CDC73: variants seen among roughly 807,000 people sequenced by gnomAD.
CDC73 encodes cell division cycle 73.
A neutral mutation model predicts 83.7 loss-of-function variants in CDC73; 21 were observed. The observed-to-expected ratio is 0.25, with a 90% CI of 0.18 to 0.36. The LOEUF is 0.36. Ranked by LOEUF, CDC73 falls within the 10% of genes least tolerant of loss-of-function variation. The pLI is 1.00. For synonymous variants in CDC73, 224 were observed against 212.9 expected (o/e 1.05, Z -0.45); for missense variants, 342 against 653.3 (o/e 0.52, Z 5.19).
At chr1:193,191,632 C>T (rs1372745124) in intron 10 of CDC73, among the ~76,000 whole-genome samples, 1 of 152,132 alleles carries the variant, frequency 6.6e-6, no homozygotes, top group Non-Finnish European at 1.5e-5. Context: ...GTGATCTGCC[C>T]ACCTCGTCCT....
At chr1:193,235,532 T>A (rs1372958741) in intron 14 of CDC73, among the ~76,000 whole-genome samples, 3 of 152,218 alleles carry the variant, frequency 2.0e-5, no homozygotes, top group African/African-American at 7.2e-5. Flanking sequence ...TAACTGTTTA[T>A]GGCAGTACTT....
chr1:193,127,189 A>C (rs1354066530), intron 2 of CDC73, among the ~76,000 whole-genome samples: 4 of 151,812 alleles, frequency 2.6e-5, no homozygotes, highest in Non-Finnish European at 5.9e-5. Context: ...TGGGAGGATC[A>C]CTTGGGCCCA....
At chr1:193,180,191 G>A in intron 10 of CDC73, 1 of 969,124 alleles carries the variant, frequency 1.0e-6, no homozygotes, top group Non-Finnish European at 1.4e-6. Context: ...TTCTTTATGT[G>A]ATGAGTTTTA....
intron 3 of CDC73, 56 bp from the exon 4 acceptor site, chr1:193,135,335 T>C: frequency 7.5e-7 from 1 of 1,328,308 alleles, no homozygotes; most frequent in Non-Finnish European, 1.1e-6. Flanking sequence ...CTTGTAATAA[T>C]ATCCAATATA....
At chr1:193,146,474 GAAGCAAGCAAGCAAGC>G (rs201981048) in intron 7 of CDC73, among the ~76,000 whole-genome samples, 535 of 150,926 alleles carry the variant, frequency 3.5e-3, no homozygotes, top group African/African-American at 8.8e-3. Context: ...GCAGAAGGCA[GAAGCAAGCAAGCAAGC>G]AAGCAAGCAA....
At chr1:193,180,520 A>G in intron 10 of CDC73, 1 of 1,614,112 alleles carries the variant, frequency 6.2e-7, no homozygotes, top group Non-Finnish European at 8.5e-7. Context: ...CAACTTGGCA[A>G]GACAGATCCC....
At chr1:193,191,830 G>A (rs1210851873) in intron 10 of CDC73, among the ~76,000 whole-genome samples, 1 of 152,044 alleles carries the variant, frequency 6.6e-6, no homozygotes, top group Non-Finnish European at 1.5e-5. Context: ...ATAAATACTT[G>A]TTCCATGTAA....
chr1:193,134,588 G>A (rs900726523), intron 3 of CDC73, among the ~76,000 whole-genome samples: 1 of 152,036 alleles, frequency 6.6e-6, no homozygotes, highest in African/African-American at 2.4e-5. Context: ...GGAAAATGGC[G>A]TGAACCCAGG....
Position 193,152,457 on chromosome 1 carries a change from G to C in CDC73, c.972+13G>C. 2 of 1,562,264 alleles carry C rather than the reference G, an allele frequency of 1.3e-6. No individual in the cohort carries two copies. Among genetic ancestry groups the C allele is most frequent in the Non-Finnish European group, 1.8e-6 (2 of 1,133,340 alleles). ...GAAATCTGTAACGGTAAGTTAATTT[G>C]GCTGTAGATGTTCTTTTGTTCCAGG... On this transcript the variant is annotated intron_variant, in intron 10 of 16. Transcript: ENST00000367435.
At chr1:193,143,419 T>C (rs1675940756) in intron 7 of CDC73, among the ~76,000 whole-genome samples, 1 of 152,174 alleles carries the variant, frequency 6.6e-6, no homozygotes, top group South Asian at 2.1e-4. Context: ...ACAGGTGATA[T>C]ACCCTACCTA....
intron 13 of CDC73, 89 bp from the exon 14 acceptor site, chr1:193,232,902 CAA>C (rs201897186): frequency 3.6e-4 from 352 of 969,212 alleles, no homozygotes; most frequent in Middle Eastern, 6.6e-4. Flanking sequence ...AACTCTGTCT[CAA>C]AAAAAAAAAA....
rs547531283 is a variant in CDC73 at position 193,180,089 on chromosome 1, T to A, written c.973-23706T>A. 8 of 432,526 alleles carry A rather than the reference T, an allele frequency of 1.8e-5. No individual in the cohort carries two copies. The East Asian group carries it at 3.0e-4, about 16-fold the overall frequency. 26.8% of individuals were successfully genotyped at this position (432,526 alleles called of 1,614,324 possible). On this transcript the variant is annotated intron_variant, in intron 10 of 16. Coordinates refer to ENST00000367435, the MANE Select transcript of CDC73 (RefSeq NM_024529.5). ...CACAGAATCTCCTTATACAGTTTTT[T>A]AAATAGATTGTTTTGGGAAACCTTT...
At chr1:193,140,432 G>C (rs974661276) in intron 6 of CDC73, among the ~76,000 whole-genome samples, 1 of 152,138 alleles carries the variant, frequency 6.6e-6, no homozygotes, top group Admixed American at 6.5e-5. Flanking sequence ...ACCTCCAGTG[G>C]ATGCCTGAAA....
At chr1:193,149,106 C>G (rs1676060805) in intron 8 of CDC73, among the ~76,000 whole-genome samples, 1 of 152,108 alleles carries the variant, frequency 6.6e-6, no homozygotes, top group African/African-American at 2.4e-5. Context: ...CCATCAAGTA[C>G]TTAAGTGCCT....
chr1:193,216,656 T>C (rs1212529039), intron 13 of CDC73, among the ~76,000 whole-genome samples: 1 of 147,072 alleles, frequency 6.8e-6, no homozygotes, highest in Non-Finnish European at 1.5e-5. Context: ...AAAAAAAACC[T>C]GCTGGCCAGT....
At chr1:193,235,946 CTA>C (rs1677750236) in intron 14 of CDC73, among the ~76,000 whole-genome samples, 1 of 152,110 alleles carries the variant, frequency 6.6e-6, no homozygotes, top group Non-Finnish European at 1.5e-5. Context: ...GGCCACTACT[CTA>C]ATTAACAGAA....
intron 10 of CDC73, among the ~76,000 whole-genome samples, chr1:193,172,316 A>G (rs543578803): frequency 3.2e-4 from 49 of 151,398 alleles, no homozygotes; most frequent in African/African-American, 1.1e-3. Flanking sequence ...TTATAACAGC[A>G]TATGATAAAG....
At position 193,212,084 on chromosome 1, in the gene CDC73, C is replaced by G. The variant is rs1173703603; in HGVS notation, c.1050C>G (p.Pro350=). 6.3e-7 allele frequency: 1 copy of G among 1,585,234 alleles called. No individual in the cohort carries two copies. Among genetic ancestry groups the G allele is most frequent in the Non-Finnish European group, 8.6e-7 (1 of 1,161,198 alleles). Reference sequence around the variant, plus strand: ...TCACAGTTTCTCAAGCAAGACCTCCCCCAAATCAGAAGAAAGGTGAGGTTG... The same window carrying G: ...TCACAGTTTCTCAAGCAAGACCTCCGCCAAATCAGAAGAAAGGTGAGGTTG... ...VPRPVSQARP[P]PNQKKGSRTP... is the part of the protein sequence containing the mutation. Residue 350 remains proline, a synonymous_variant, in exon 12 of 17, where the codon CCC becomes CCG. Transcript: ENST00000367435.
At chr1:193,226,158 A>G (rs891804984) in intron 13 of CDC73, among the ~76,000 whole-genome samples, 2 of 152,104 alleles carry the variant, frequency 1.3e-5, no homozygotes, top group African/African-American at 4.8e-5. Flanking sequence ...TTATCCCAGC[A>G]CCATATGTTG....
Sources: allele counts gnomAD v4.1 joint callset (sites outside exome capture counted in the v4.1 genomes callset), GRCh38; gene constraint gnomAD v4.1.1; transcripts MANE v1.5; gene names NCBI Gene and HGNC (gene_info 2026-07-23, HGNC 2026-07-21).